Variants in ILK observed in about 807,000 individuals in gnomAD.
ILK encodes the protein scaffold protein ILK.
Under a neutral mutation model 57.8 loss-of-function variants are expected in ILK, and 37 were observed. That is an observed-to-expected ratio of 0.64 (90% confidence interval 0.49 to 0.84). The LOEUF is 0.84. ILK is among the 40% of genes least tolerant of loss of function. The probability of loss-of-function intolerance (pLI) is 0.00; values close to 1 mark genes in which losing one functional copy is unlikely to be tolerated. For missense variants in ILK, 528 were observed against 595.7 expected, an observed-to-expected ratio of 0.89 and a Z score of 1.18; for synonymous variants, 231 against 202.2, an observed-to-expected ratio of 1.14 and a Z score of -1.21.
intron 2 of ILK, chr11:6,605,047 C>T: frequency 2.8e-6 from 1 of 357,040 alleles, no homozygotes; most frequent in East Asian, 7.5e-5. Flanking sequence ...GACCAGGGTT[C>T]TGGCTTGGGA....
rs764441689 is a variant in ILK at position 6,609,508 on chromosome 11, C to G, written c.729-4C>G. 2 of 1,614,146 alleles carry G rather than the reference C, an allele frequency of 1.2e-6. No individual in the cohort carries two copies. Among genetic ancestry groups the G allele is most frequent in the South Asian group, 2.2e-5 (2 of 91,078 alleles). Reference sequence around the variant, plus strand: ...GGGTCTCAACCACTCCCTCCCTCTTCTAGGATTTTCTCGCATCCAAATGTG... The same window carrying G: ...GGGTCTCAACCACTCCCTCCCTCTTGTAGGATTTTCTCGCATCCAAATGTG... On this transcript the variant is annotated splice_polypyrimidine_tract_variant and splice_region_variant and intron_variant, in intron 8 of 12. Transcript: ENST00000299421.
chr11:6,604,631 G>A (rs1168498489), intron 2 of ILK: 1 of 566,786 alleles, frequency 1.8e-6, no homozygotes, highest in African/African-American at 1.9e-5. Flanking sequence ...GCACAGAGCA[G>A]AGAGAACAGG....
intron 12 of ILK, 75 bp downstream of exon 12, chr11:6,610,353 C>G: frequency 1.2e-6 from 2 of 1,612,882 alleles, no homozygotes; most frequent in East Asian, 4.5e-5. Flanking sequence ...TGGGCCTTGG[C>G]TCCTCACATA....
In ILK at chr11:6,609,824, A is replaced by G. The variant is rs1855319903; in HGVS notation, c.957A>G (p.Ala319=). 1.9e-6 allele frequency: 3 copies of G among 1,614,050 alleles called. No homozygotes were observed. Among genetic ancestry groups the G allele is most frequent in the African/African-American group, 1.3e-5 (1 of 74,974 alleles). The change falls in exon 10 of 13, where the codon GCA becomes GCG. Residue 319 remains alanine, a synonymous_variant. Transcript: ENST00000299421. The stretch of plus-strand genomic sequence containing the variant: ...TAGAGCCCCTCATCCCACGACATGC[A>G]CTCAATAGCCGTAGTGTAATGGTGA... ...HTLEPLIPRH[A]LNSRSVMIDE...
At chr11:6,607,631 A>T (rs994533574) in intron 2 of ILK, 1 of 266,052 alleles carries the variant, frequency 3.8e-6, no homozygotes, top group Admixed American at 5.0e-5. Context: ...AAGAAACTTA[A>T]AGGTCTAACA....
At chr11:6,606,803 C>T (rs1203377152) in intron 2 of ILK, 2 of 152,144 alleles carry the variant, frequency 1.3e-5, no homozygotes, top group Non-Finnish European at 1.5e-5. Flanking sequence ...TACTTTTGCC[C>T]CCCGAGTTTG....
In ILK at chr11:6,608,149, C is replaced by T. The variant is rs776161614; in HGVS notation, c.193C>T (p.Arg65Cys). ...GGGGGCACGGATCAATGTAATGAAC[C>T]GTGGGGATGACACCCCCCTGCATCT... is the stretch of plus-strand genomic sequence containing the variant. ...MRGARINVMN[R>C]GDDTPLHLAA... The change falls in exon 3 of 13, where the codon CGT becomes TGT. Residue 65 changes from arginine to cysteine, a missense_variant. Arg to Cys is a radical substitution (Grantham distance 180). Transcript: ENST00000299421. This position sits in a 1 kb window ranked among gnomAD's most constrained non-coding sequence, Gnocchi z 4.9. 4.3e-6 allele frequency: 7 copies of T among 1,613,996 alleles called. No individual in the cohort carries two copies. Among genetic ancestry groups the T allele is most frequent in the South Asian group, 2.2e-5 (2 of 91,080 alleles).
Position 6,609,124 on chromosome 11 carries a change from C to G in ILK, c.586C>G (p.Leu196Val), listed in dbSNP as rs1855236652. Residue 196 changes from leucine (L) to valine (V), a missense_variant, in exon 7 of 13, where the codon CTG becomes GTG. Physicochemically the swap from Leu to Val is conservative, Grantham distance 32. Transcript: ENST00000299421. ...CATTGACTTCAAACAGCTTAACTTC[C>G]TGACGAAGCTCAACGAGAATCACTC... ...SGIDFKQLNF[L>V]TKLNENHSGE... The G allele has an allele frequency of 6.2e-7, 1 of 1,614,048 alleles. No individual in the cohort carries two copies. Among genetic ancestry groups the G allele is most frequent in the Admixed American group, 1.7e-5 (1 of 60,010 alleles).
intron 2 of ILK, chr11:6,604,799 A>G (rs1247118283): frequency 2.2e-6 from 1 of 460,506 alleles, no homozygotes; most frequent in Non-Finnish European, 4.3e-6. Context: ...TCTTTATTTT[A>G]AAAGCAAGGT....
At chr11:6,606,409 A>C (rs1259454859) in intron 2 of ILK, 1 of 152,218 alleles carries the variant, frequency 6.6e-6, no homozygotes, top group Non-Finnish European at 1.5e-5. Flanking sequence ...TAGGTTCTAC[A>C]CTATTTCTCT....
At chr11:6,604,954 AAGAGAAGTGATCAAAT>A in intron 2 of ILK, 1 of 451,400 alleles carries the variant, frequency 2.2e-6, no homozygotes, top group African/African-American at 2.0e-5. Context: ...GTGAGTGAAA[AAGAGAAGTGATCAAAT>A]TCCAGAAGTC....
chr11:6,604,559 G>A lies in ILK; in HGVS notation c.89+199G>A. 3 of 656,446 alleles carry A rather than the reference G, an allele frequency of 4.6e-6. No individual in the cohort carries two copies. The East Asian group carries it at 8.2e-5, about 18-fold the overall frequency. 40.7% of individuals were successfully genotyped at this position (656,446 alleles called of 1,614,324 possible). A position where few individuals can be genotyped will look rare whatever the true frequency, so the allele number is the denominator to read the frequency against. On this transcript the variant is annotated intron_variant, in intron 2 of 12. Coordinates refer to ENST00000299421, the MANE Select transcript of ILK (RefSeq NM_004517.4). ...TGACTGCAGAATAAGAGTTTCACAG[G>A]CAGAGGCTACAGAGAGCTTTCCAGC...
At chr11:6,604,021 C>T in intron 1 of ILK, 159 bp from the exon 2 acceptor site, 1 of 592,714 alleles carries the variant, frequency 1.7e-6, no homozygotes. Context: ...CAGACACTAC[C>T]TCTTCGTCAC....
rs369505926 is a variant in ILK at position 6,609,007 on chromosome 11, T to C, written c.532+40T>C. 697 of 1,613,090 alleles carry C rather than the reference T, an allele frequency of 4.3e-4. 6 individuals carry two copies. The highest frequency in any genetic ancestry group is 1.6e-4 in the Middle Eastern group (1 of 6,082). On this transcript the variant is annotated intron_variant, in intron 6 of 12. Transcript: ENST00000299421. ...TGGGAAGAAGGGTTGTAAAAGGAAA[T>C]AATCCTGGCCTCTTGGGGCTGGGTT...
chr11:6,609,084 G>C lies in ILK; in HGVS notation c.546G>C (p.Leu182=). 6.2e-7 allele frequency: 1 copy of C among 1,614,180 alleles called. No homozygotes were observed. The highest frequency in any genetic ancestry group is 1.6e-4 in the Middle Eastern group (1 of 6,062). ...TTRTRPRNGT[L]NKHSGIDFKQ... ...CCACACTCTTAGGAAATGGAACCCT[G>C]AACAAACACTCTGGCATTGACTTCA... is the stretch of plus-strand genomic sequence containing the variant. The change falls in exon 7 of 13, where the codon CTG becomes CTC. Residue 182 remains leucine, a synonymous_variant. Coordinates refer to ENST00000299421, the MANE Select transcript of ILK (RefSeq NM_004517.4).
Position 6,610,014 on chromosome 11 carries a change from C to A in ILK, c.1057C>A (p.Pro353Thr), listed in dbSNP as rs1474632483. The change falls in exon 11 of 13, where the codon CCT (proline) becomes ACT (threonine). Residue 353 changes from proline to threonine, a missense_variant. Physicochemically the swap from Pro to Thr is conservative, Grantham distance 38. Coordinates refer to ENST00000299421, the MANE Select transcript of ILK (RefSeq NM_004517.4). ...SFQCPGRMYAPAWVAPEALQK... is the reference protein window; with the variant it reads ...SFQCPGRMYATAWVAPEALQK... ...CCAATGTCCTGGTCGCATGTATGCA[C>A]CTGCCTGGGTAGCCCCCGAAGGTGA... The A allele has an allele frequency of 6.2e-7, 1 of 1,614,060 alleles. No individual in the cohort carries two copies. Among genetic ancestry groups the A allele is most frequent in the African/African-American group, 1.3e-5 (1 of 74,916 alleles).
At position 6,609,809 on chromosome 11, in the gene ILK, C is replaced by A; in HGVS notation, c.942C>A (p.Leu314=). 6.2e-7 allele frequency: 1 copy of A among 1,614,232 alleles called. No individual in the cohort carries two copies. The highest frequency in any genetic ancestry group is 1.1e-5 in the South Asian group (1 of 91,092). The change falls in exon 10 of 13, where the codon CTC becomes CTA. Residue 314 remains leucine (L), a synonymous_variant. Transcript: ENST00000299421. ...GMAFLHTLEP[L]IPRHALNSRS... Reference sequence around the variant, plus strand: ...CCTTCCTACACACACTAGAGCCCCTCATCCCACGACATGCACTCAATAGCC... The same window carrying A: ...CCTTCCTACACACACTAGAGCCCCTAATCCCACGACATGCACTCAATAGCC...
intron 8 of ILK, 41 bp downstream of exon 8, chr11:6,609,449 A>G: frequency 6.2e-7 from 1 of 1,613,770 alleles, no homozygotes; most frequent in South Asian, 1.1e-5. Flanking sequence ...GTTCCAAGGA[A>G]CCCTGAATAG....
intron 12 of ILK, 53 bp from the exon 13 acceptor site, chr11:6,610,409 T>C (rs566640135): frequency 1.3e-4 from 215 of 1,613,986 alleles, no homozygotes; most frequent in Non-Finnish European, 1.7e-4. Context: ...CAGTGGCTTC[T>C]CTCTACATGA....
Sources: gnomAD v4.1 joint callset for allele counts on GRCh38, gnomAD v4.1.1 for gene constraint, Gnocchi (gnomAD v3.1) non-coding constraint, MANE v1.5 for transcripts, NCBI Gene and HGNC (gene_info 2026-07-23, HGNC 2026-07-21) for gene names.